The following ARHGAP42 variants were observed in gnomAD, a reference collection of about 807,000 sequenced individuals.
ARHGAP42 encodes the protein rho GTPase-activating protein 42.
In ARHGAP42, 63 loss-of-function variants were observed where a neutral mutation model predicts 125.0. That is an observed-to-expected ratio of 0.50 (90% CI 0.41 to 0.62). The LOEUF is 0.62. Ranked by LOEUF, ARHGAP42 falls within the 20% of genes least tolerant of loss-of-function variation. The probability of loss-of-function intolerance (pLI) is 0.00; values close to 1 mark genes in which losing one functional copy is unlikely to be tolerated. For synonymous variants in ARHGAP42, 339 were observed against 351.0 expected (o/e 0.97, Z 0.38); for missense variants, 766 against 1,024.2 (o/e 0.75, Z 3.44).
At chr11:100,916,630 G>A (rs1867073393) in intron 5 of ARHGAP42, among the ~76,000 whole-genome samples, 1 of 152,118 alleles carries the variant, frequency 6.6e-6, no homozygotes, top group African/African-American at 2.4e-5. Flanking sequence ...CTCCTGGTGG[G>A]AGCATAAGAT....
intron 4 of ARHGAP42, among the ~76,000 whole-genome samples, chr11:100,912,448 C>T (rs538434535): frequency 3.2e-4 from 49 of 152,094 alleles, no homozygotes; most frequent in African/African-American, 1.2e-3. Flanking sequence ...TAGGAATCTG[C>T]AGTCTGAACA....
chr11:100,977,986 A>G (rs1176148056), intron 21 of ARHGAP42, among the ~76,000 whole-genome samples: 1 of 152,194 alleles, frequency 6.6e-6, no homozygotes, highest in Non-Finnish European at 1.5e-5. Context: ...GTTGCAGAGC[A>G]TGTTCAATGT....
At chr11:100,749,194 T>C (rs1862380407) in intron 1 of ARHGAP42, among the ~76,000 whole-genome samples, 1 of 151,974 alleles carries the variant, frequency 6.6e-6, no homozygotes, top group Non-Finnish European at 1.5e-5. Flanking sequence ...TTATGTGAGG[T>C]TCAACCCCCT....
At chr11:100,732,148 G>T (rs1459958772) in intron 1 of ARHGAP42, among the ~76,000 whole-genome samples, 1 of 151,778 alleles carries the variant, frequency 6.6e-6, no homozygotes, top group Non-Finnish European at 1.5e-5. Context: ...GTAGAGATGG[G>T]GTTTCTCCAT....
chr11:100,841,470 A>G (rs1285277920), intron 3 of ARHGAP42, among the ~76,000 whole-genome samples: 1 of 152,096 alleles, frequency 6.6e-6, no homozygotes, highest in Non-Finnish European at 1.5e-5. Flanking sequence ...TAGCAATGGC[A>G]TGTAGTACAA....
chr11:100,766,222 G>GGGGTGTGT (rs1554993827), intron 1 of ARHGAP42, among the ~76,000 whole-genome samples: 106 of 149,280 alleles, frequency 7.1e-4, no homozygotes, highest in South Asian at 8.6e-4. Context: ...AAGGATGTGG[G>GGGGTGTGT]GTGTGTGTGT....
chr11:100,727,492 C>A (rs1861881539), intron 1 of ARHGAP42, among the ~76,000 whole-genome samples: 1 of 152,174 alleles, frequency 6.6e-6, no homozygotes, highest in African/African-American at 2.4e-5. Context: ...CGGAAAGAGT[C>A]CGCCACAATT....
intron 15 of ARHGAP42, 28 bp downstream of exon 15, chr11:100,961,796 T>C: frequency 6.5e-7 from 1 of 1,530,738 alleles, no homozygotes; most frequent in Non-Finnish European, 8.9e-7. Flanking sequence ...CCTGGTACTC[T>C]GGATGTAATC....
At chr11:100,803,179 C>T (rs1231362081) in intron 3 of ARHGAP42, among the ~76,000 whole-genome samples, 1 of 149,930 alleles carries the variant, frequency 6.7e-6, no homozygotes. Flanking sequence ...AGTTAGAGAC[C>T]AGCATGGGCA....
At chr11:100,936,452 A>AT in intron 8 of ARHGAP42, 120 bp downstream of exon 8, 1 of 1,319,204 alleles carries the variant, frequency 7.6e-7, no homozygotes, top group Non-Finnish European at 1.0e-6. Flanking sequence ...CTTTATATCT[A>AT]CTTTCCCCCC....
Position 100,976,827 on chromosome 11 carries a change from A to G in ARHGAP42, c.2249A>G (p.Tyr750Cys), listed in dbSNP as rs1322409130. The G allele has an allele frequency of 1.3e-6, 2 of 1,550,482 alleles. No homozygotes were observed. The highest frequency in any genetic ancestry group is 2.4e-5 in the South Asian group (2 of 84,014). The change falls in exon 21 of 24, where the codon TAC (tyrosine) becomes TGC (cysteine). Residue 750 changes from tyrosine to cysteine, a missense_variant. Physicochemically the swap from Tyr to Cys is radical, Grantham distance 194. Transcript: ENST00000298815. The stretch of plus-strand genomic sequence containing the variant: ...GCTTTCTTTTTAGGAAACAAGAGCT[A>G]CAGTGGATCTATTCAAAGCTTAACT... Reference protein sequence around the residue: ...SISAAEGNKSYSGSIQSLTSV... With the variant: ...SISAAEGNKSCSGSIQSLTSV...
At chr11:100,812,653 C>T (rs1864174201) in intron 3 of ARHGAP42, among the ~76,000 whole-genome samples, 1 of 152,138 alleles carries the variant, frequency 6.6e-6, no homozygotes, top group African/African-American at 2.4e-5. Context: ...TGGGAAAATG[C>T]TTTTCAGGTT....
At chr11:100,755,238 C>A (rs1377639951) in intron 1 of ARHGAP42, among the ~76,000 whole-genome samples, 1 of 152,194 alleles carries the variant, frequency 6.6e-6, no homozygotes, top group Non-Finnish European at 1.5e-5. Flanking sequence ...CCTGCCCCAT[C>A]CCCACCACAG....
In ARHGAP42 at chr11:100,974,505, A is replaced by G. The variant is rs958949460; in HGVS notation, c.1757A>G (p.Gln586Arg). Residue 586 changes from glutamine (Q) to arginine (R), a missense_variant, in exon 19 of 24, where the codon CAG becomes CGG. Around this residue, in one of 3 missense-constraint regions of ARHGAP42, gnomAD observed 308 missense variants for 369.7 expected, o/e 0.83. Transcript: ENST00000298815. ...PDPSIPLPQP[Q>R]SRSGSRRTRA... ...CCAAGCATTCCTCTTCCTCAGCCTC[A>G]GTCTCGATCTGGATCCCGAAGGACA... The G allele has an allele frequency of 1.0e-5, 16 of 1,550,480 alleles. No homozygotes were observed. Among genetic ancestry groups the G allele is most frequent in the Non-Finnish European group, 1.4e-5 (16 of 1,146,664 alleles).
At chr11:100,827,278 C>A (rs1243067086) in intron 3 of ARHGAP42, among the ~76,000 whole-genome samples, 1 of 152,168 alleles carries the variant, frequency 6.6e-6, no homozygotes, top group African/African-American at 2.4e-5. Context: ...GCTGGGATTA[C>A]AGGCATGAGC....
intron 3 of ARHGAP42, among the ~76,000 whole-genome samples, chr11:100,818,882 C>T (rs1864337170): frequency 6.6e-6 from 1 of 152,028 alleles, no homozygotes; most frequent in Non-Finnish European, 1.5e-5. Flanking sequence ...GTAGAGATGG[C>T]ATTCTCATAG....
chr11:100,816,107 A>T (rs1864259952), intron 3 of ARHGAP42, among the ~76,000 whole-genome samples: 1 of 152,142 alleles, frequency 6.6e-6, no homozygotes, highest in South Asian at 2.1e-4. Flanking sequence ...TGCTGCTTTG[A>T]GTATGGACAT....
chr11:100,725,885 A>C (rs1331477741), intron 1 of ARHGAP42, among the ~76,000 whole-genome samples: 4 of 148,838 alleles, frequency 2.7e-5, no homozygotes, highest in African/African-American at 9.9e-5. Context: ...CAATGAGCCG[A>C]GATCGCGCCA....
At chr11:100,733,825 GAAAAAA>G (rs551074447) in intron 1 of ARHGAP42, among the ~76,000 whole-genome samples, 3 of 31,384 alleles carry the variant, frequency 9.6e-5, no homozygotes, top group East Asian at 1.1e-3. Context: ...ATTCTGTCTG[GAAAAAA>G]AAAAAAAAAA....
Sources: allele counts gnomAD v4.1 joint callset (sites outside exome capture counted in the v4.1 genomes callset), GRCh38; gene constraint gnomAD v4.1.1; regional missense constraint gnomAD v4.1.1; transcripts MANE v1.5; gene names NCBI Gene and HGNC (gene_info 2026-07-23, HGNC 2026-07-21).